The following POLR3E variants were observed in gnomAD, a reference collection of about 807,000 sequenced individuals.
POLR3E encodes DNA-directed RNA polymerase III subunit RPC5.
Under a neutral mutation model 96.6 loss-of-function variants are expected in POLR3E, and 41 were observed. That is an observed-to-expected ratio of 0.42 (90% CI 0.33 to 0.55). The LOEUF (loss-of-function observed/expected upper bound fraction) is 0.55, where lower values mean the gene tolerates loss of function less well. Ranked by LOEUF, POLR3E falls within the 20% of genes least tolerant of loss-of-function variation. The probability of loss-of-function intolerance (pLI) is 0.06; values close to 1 mark genes in which losing one functional copy is unlikely to be tolerated. For missense variants in POLR3E, 849 were observed against 952.1 expected, an observed-to-expected ratio of 0.89 and a Z score of 1.43; for synonymous variants, 396 against 383.6, an observed-to-expected ratio of 1.03 and a Z score of -0.38.
rs529505845 is a variant in POLR3E, at chr16:22,333,786, G to T, written c.*86G>T. ...AGTAGGGCCTCGACTTGCTTCAGACGACACAGAGCAAGAGGAACTGACCAT... is the reference window on the plus strand; with the variant it reads ...AGTAGGGCCTCGACTTGCTTCAGACTACACAGAGCAAGAGGAACTGACCAT... On this transcript the variant is annotated 3_prime_UTR_variant, in exon 21 of 21. Transcript: ENST00000299853. The T allele has an allele frequency of 2.2e-6, 2 of 896,738 alleles. No homozygotes were observed. Among genetic ancestry groups the T allele is most frequent in the Non-Finnish European group, 3.8e-6 (2 of 530,332 alleles). The allele number at this position is 896,738 out of a possible 1,614,324, so 55.5% of individuals were successfully genotyped here.
intron 3 of POLR3E, among the ~76,000 whole-genome samples, chr16:22,305,721 G>A (rs957469658): frequency 2.0e-5 from 3 of 152,102 alleles, no homozygotes; most frequent in Non-Finnish European, 1.5e-5. Context: ...TGCCAGCTGC[G>A]AGGGCCCCGG....
At chr16:22,329,967 G>T (rs2048701064) in intron 19 of POLR3E, among the ~76,000 whole-genome samples, 1 of 151,358 alleles carries the variant, frequency 6.6e-6, no homozygotes, top group African/African-American at 2.4e-5. Flanking sequence ...AAAAAAATCA[G>T]CCTGTCATTA....
chr16:22,303,497 C>T (rs918885887), intron 2 of POLR3E, among the ~76,000 whole-genome samples: 1 of 152,136 alleles, frequency 6.6e-6, no homozygotes, highest in Non-Finnish European at 1.5e-5. Flanking sequence ...CATTCAGCAG[C>T]TGTTCACTGG....
At chr16:22,307,884 G>A (rs1028569017) in intron 3 of POLR3E, among the ~76,000 whole-genome samples, 2 of 152,160 alleles carry the variant, frequency 1.3e-5, no homozygotes, top group Admixed American at 6.5e-5. Context: ...TTGGGTTCCT[G>A]TGTGTAGACA....
chr16:22,315,294 TAA>T, intron 9 of POLR3E, 86 bp downstream of exon 9: 1 of 1,389,824 alleles, frequency 7.2e-7, no homozygotes, highest in Non-Finnish European at 9.8e-7. Flanking sequence ...ACCTTGAACT[TAA>T]GTCAAATTCA....
intron 19 of POLR3E, among the ~76,000 whole-genome samples, chr16:22,329,720 T>C (rs1355868757): frequency 1.3e-5 from 2 of 152,156 alleles, no homozygotes; most frequent in African/African-American, 2.4e-5. Flanking sequence ...AAACATCAAA[T>C]CAGACTAGAA....
Position 22,308,999 on chromosome 16 carries a change from C to T in POLR3E, c.240C>T (p.Asn80=), listed in dbSNP as rs763619525. 17 of 1,613,966 alleles carry T rather than the reference C, an allele frequency of 1.1e-5. No individual in the cohort carries two copies. Among genetic ancestry groups the T allele is most frequent in the East Asian group, 2.2e-5 (1 of 44,874 alleles). The change falls in exon 5 of 21, where the codon AAC becomes AAT. Residue 80 remains asparagine, a synonymous_variant. Transcript: ENST00000299853. ...CRSKGEQIAL[N]VDGACADETS... ...GCAAAGGGGAGCAGATTGCGCTGAA[C>T]GTGGACGGGGCCTGCGCCGACGAGA... is the stretch of plus-strand genomic sequence containing the variant.
At chr16:22,328,452 A>T in intron 18 of POLR3E, 58 bp from the exon 19 acceptor site, 6 of 1,446,698 alleles carry the variant, frequency 4.1e-6, no homozygotes, top group Non-Finnish European at 5.8e-6. Context: ...GGATGAGGCA[A>T]GCAAATGGAT....
chr16:22,305,160 A>G lies in POLR3E; in HGVS notation c.41A>G (p.Asp14Gly), dbSNP rs767608665. 1 of 1,612,744 alleles carries G rather than the reference A, an allele frequency of 6.2e-7. No individual in the cohort carries two copies. The highest frequency in any genetic ancestry group is 8.5e-7 in the Non-Finnish European group (1 of 1,178,902). Reference protein sequence around the residue: ...EEDDPVVQEIDVYLAKSLAEK... With the variant: ...EEDDPVVQEIGVYLAKSLAEK... ...GTCGTCTTCCCTTCTTCCCAGATCG[A>G]TGTGTACTTGGCCAAGAGTCTGGCG... The change falls in exon 3 of 21, where the codon GAT (aspartate) becomes GGT (glycine). Residue 14 changes from aspartate to glycine, a missense_variant. Transcript: ENST00000299853.
Position 22,322,723 on chromosome 16 carries a change from T to C in POLR3E, c.987-127T>C. ...CACAGATGTGGCTCCTAAGGGGAGGTCTTGGGGCTCAGGCCTGTACCCAGC... is the reference window on the plus strand; with the variant it reads ...CACAGATGTGGCTCCTAAGGGGAGGCCTTGGGGCTCAGGCCTGTACCCAGC... On this transcript the variant is annotated intron_variant, in intron 13 of 20. Coordinates refer to ENST00000299853, the MANE Select transcript of POLR3E (RefSeq NM_018119.4). The surrounding 1 kb of genome is among the most constrained non-coding windows in gnomAD (Gnocchi z 5.2). 1 of 625,408 alleles carries C rather than the reference T, an allele frequency of 1.6e-6. No homozygotes were observed. The highest frequency in any genetic ancestry group is 2.9e-6 in the Non-Finnish European group (1 of 348,496). 38.7% of individuals were successfully genotyped at this position (625,408 alleles called of 1,614,324 possible). A position where few individuals can be genotyped will look rare whatever the true frequency, so the allele number is the denominator to read the frequency against.
chr16:22,305,267 C>G, intron 3 of POLR3E, 61 bp downstream of exon 3: 1 of 1,212,464 alleles, frequency 8.2e-7, no homozygotes, highest in Non-Finnish European at 1.2e-6. Context: ...GGTGTGGACT[C>G]AGGAACACGG....
chr16:22,324,451 G>A (rs781428007), intron 15 of POLR3E, 38 bp downstream of exon 15: 1 of 1,610,736 alleles, frequency 6.2e-7, no homozygotes, highest in Non-Finnish European at 8.5e-7. Context: ...CCAGGCTGCT[G>A]CTGGAGGGGA....
intron 20 of POLR3E, 37 bp downstream of exon 20, chr16:22,332,222 G>T: frequency 6.3e-7 from 1 of 1,594,458 alleles, no homozygotes; most frequent in Non-Finnish European, 8.6e-7. Flanking sequence ...AATATCAAAG[G>T]CTCTGGAAGG....
intron 6 of POLR3E, among the ~76,000 whole-genome samples, chr16:22,312,364 G>T (rs1327032476): frequency 6.6e-6 from 1 of 152,128 alleles, no homozygotes; most frequent in Non-Finnish European, 1.5e-5. Flanking sequence ...AGGCGTGGTG[G>T]TGAGTGCCTG....
chr16:22,331,024 A>C (rs1409801555), intron 19 of POLR3E, among the ~76,000 whole-genome samples: 4 of 12,346 alleles, frequency 3.2e-4, no homozygotes, highest in Admixed American at 5.0e-3. Context: ...TTTTTTTTTG[A>C]GACAGAGTCT....
chr16:22,308,709 G>T (rs568676881), intron 4 of POLR3E, among the ~76,000 whole-genome samples: 28 of 152,200 alleles, frequency 1.8e-4, no homozygotes, highest in Non-Finnish European at 2.8e-4. Flanking sequence ...GGACAAACAA[G>T]ATTACAGGAC....
intron 1 of POLR3E, among the ~76,000 whole-genome samples, chr16:22,298,421 A>C (rs571747653): frequency 3.9e-5 from 6 of 152,304 alleles, no homozygotes; most frequent in African/African-American, 1.4e-4. Flanking sequence ...GGTTACGTTT[A>C]TTAGCGTCCT....
At chr16:22,310,160 C>G (rs1190926631) in intron 6 of POLR3E, 1 of 153,232 alleles carries the variant, frequency 6.5e-6, no homozygotes, top group Non-Finnish European at 1.5e-5. Flanking sequence ...ACCACATACT[C>G]AACGGTGGTC....
At chr16:22,324,792 T>TGGGTGTGAAGGGCAGGTGG in intron 16 of POLR3E, 132 bp downstream of exon 16, 1 of 1,021,596 alleles carries the variant, frequency 9.8e-7, no homozygotes. Flanking sequence ...GGGCTGGATC[T>TGGGTGTGAAGGGCAGGTGG]GGGTGTGAAG....
Sources: gnomAD v4.1 joint callset for allele counts (sites outside exome capture counted in the v4.1 genomes callset) on GRCh38, gnomAD v4.1.1 for gene constraint, Gnocchi (gnomAD v3.1) non-coding constraint, MANE v1.5 for transcripts, NCBI Gene and HGNC (gene_info 2026-07-23, HGNC 2026-07-21) for gene names.